GALNT10: variants seen among roughly 807,000 people sequenced by gnomAD.
The protein encoded by GALNT10 is polypeptide N-acetylgalactosaminyltransferase 10.
Under a neutral mutation model 75.0 loss-of-function variants are expected in GALNT10, and 41 were observed. The observed-to-expected ratio is 0.55, with a 90% CI of 0.43 to 0.71. The LOEUF (loss-of-function observed/expected upper bound fraction) is 0.71. Ranked by LOEUF, GALNT10 falls within the 30% of genes least tolerant of loss-of-function variation. GALNT10 has a pLI of 0.00. For synonymous variants in GALNT10, 302 were observed against 313.0 expected (o/e 0.96, Z 0.37); for missense variants, 727 against 818.5 (o/e 0.89, Z 1.36).
chr5:154,368,462 A>G, intron 4 of GALNT10, among the ~76,000 whole-genome samples: 1 of 152,172 alleles, frequency 6.6e-6, no homozygotes, highest in Non-Finnish European at 1.5e-5. Context: ...CAAAAAGAAG[A>G]GGAGGAGGAA....
intron 3 of GALNT10, among the ~76,000 whole-genome samples, chr5:154,314,620 A>G (rs925164263): frequency 1.3e-5 from 2 of 151,846 alleles, no homozygotes; most frequent in African/African-American, 2.4e-5. Context: ...GCGTCTGCCT[A>G]TCTGCCTCCC....
At chr5:154,293,613 A>ATATTTTTTTTTTTTTT in intron 1 of GALNT10, among the ~76,000 whole-genome samples, 2 of 109,360 alleles carry the variant, frequency 1.8e-5, no homozygotes, top group Non-Finnish European at 3.8e-5. Flanking sequence ...ATATATATAT[A>ATATTTTTTTTTTTTTT]TTTTTTTTTT....
chr5:154,350,666 A>G (rs892848140), intron 4 of GALNT10, among the ~76,000 whole-genome samples: 6 of 152,002 alleles, frequency 3.9e-5, no homozygotes. Flanking sequence ...GTGGCGTAAA[A>G]ACTCCCACCT....
intron 1 of GALNT10, among the ~76,000 whole-genome samples, chr5:154,235,311 AC>A (rs1753228370): frequency 6.6e-6 from 1 of 152,194 alleles, no homozygotes; most frequent in Admixed American, 6.5e-5. Flanking sequence ...CCAATGGGGT[AC>A]CAGCCACAGC....
intron 1 of GALNT10, among the ~76,000 whole-genome samples, chr5:154,276,433 T>G (rs951802764): frequency 1.6e-4 from 25 of 152,210 alleles, no homozygotes; most frequent in South Asian, 6.2e-4. Context: ...TGGAGAAAGC[T>G]CTCAGCTTTT....
chr5:154,210,676 C>CATCAAATA (rs1445885692), intron 1 of GALNT10, among the ~76,000 whole-genome samples: 1 of 152,162 alleles, frequency 6.6e-6, no homozygotes, highest in Non-Finnish European at 1.5e-5. Context: ...TACGCAGTGC[C>CATCAAATA]TGGCATGTGA....
intron 1 of GALNT10, among the ~76,000 whole-genome samples, chr5:154,196,827 G>A (rs1177682398): frequency 1.3e-5 from 2 of 152,170 alleles, no homozygotes; most frequent in Non-Finnish European, 2.9e-5. Context: ...AGTGGAGTCA[G>A]GTTACCCAGA....
chr5:154,202,974 G>C (rs1276391346), intron 1 of GALNT10, among the ~76,000 whole-genome samples: 1 of 152,250 alleles, frequency 6.6e-6, no homozygotes, highest in Non-Finnish European at 1.5e-5. Context: ...TGCCATCCAA[G>C]CCCTGCCAGG....
chr5:154,343,345 C>T (rs1215006704), intron 4 of GALNT10, among the ~76,000 whole-genome samples: 1 of 152,160 alleles, frequency 6.6e-6, no homozygotes, highest in Non-Finnish European at 1.5e-5. Flanking sequence ...GGGGAAAGCT[C>T]TCCTTCAAAG....
rs571377965 is a variant in GALNT10 at position 154,415,321 on chromosome 5, C to T, written c.1504-462C>T. Among the ~76,000 whole-genome samples, 7 of 151,176 alleles carry T rather than the reference C, an allele frequency of 4.6e-5. No homozygotes were observed. In the East Asian group the frequency reaches 1.4e-3, roughly 30 times the overall value. ...AGGGGTGGAAGTAGAGCTGCAACAA[C>T]GTTGGCCTTGAGTTGGTAACTTATT... On this transcript the variant is annotated intron_variant, in intron 10 of 11. Coordinates refer to ENST00000297107, the MANE Select transcript of GALNT10 (RefSeq NM_198321.4).
chr5:154,366,195 T>G (rs1389321993), intron 4 of GALNT10, among the ~76,000 whole-genome samples: 1 of 152,258 alleles, frequency 6.6e-6, no homozygotes, highest in Non-Finnish European at 1.5e-5. Context: ...CTTCTCTGTC[T>G]TCTTGTAGTC....
intron 1 of GALNT10, among the ~76,000 whole-genome samples, chr5:154,277,635 C>T (rs1297129749): frequency 1.3e-5 from 2 of 152,160 alleles, no homozygotes; most frequent in Non-Finnish European, 2.9e-5. Context: ...TTGGAGAAAT[C>T]TGCATGTAAT....
intron 1 of GALNT10, among the ~76,000 whole-genome samples, chr5:154,200,617 T>G (rs1410521112): frequency 6.6e-6 from 1 of 152,214 alleles, no homozygotes; most frequent in Admixed American, 6.5e-5. Context: ...TTTCTAAATT[T>G]GGTACCTAAC....
At position 154,205,288 on chromosome 5, in the gene GALNT10, G is replaced by T. The variant is rs114965747; in HGVS notation, c.159+14263G>T. Among the ~76,000 whole-genome samples, 653 of 152,302 alleles carry T rather than the reference G, an allele frequency of 4.3e-3. 4 individuals carry two copies. Among genetic ancestry groups the T allele is most frequent in the African/African-American group, 0.015 (634 of 41,566 alleles). On this transcript the variant is annotated intron_variant, in intron 1 of 11. Coordinates refer to ENST00000297107, the MANE Select transcript of GALNT10 (RefSeq NM_198321.4). The stretch of plus-strand genomic sequence containing the variant: ...GTCCTCAGTCCACGTGGCTTCATTG[G>T]TGGTATCTCTGGATGAGGATCCATT...
intron 4 of GALNT10, among the ~76,000 whole-genome samples, chr5:154,333,488 C>T (rs1484805025): frequency 1.3e-5 from 2 of 152,148 alleles, no homozygotes; most frequent in East Asian, 3.8e-4. Flanking sequence ...TAGTCCTGAC[C>T]TATAATGGTT....
rs775796875 is a variant in GALNT10 at position 154,409,538 on chromosome 5, T to C, written c.1165-3T>C. The C allele has an allele frequency of 1.0e-5, 16 of 1,606,224 alleles. No individual in the cohort carries two copies. In the East Asian group the frequency reaches 2.9e-4, roughly 29 times the overall value. ...GACCCCTCCATTGCTTCTTGCCCCA[T>C]AGAACCTTAAGCGGGTGGCCGAAGT... is the stretch of plus-strand genomic sequence containing the variant. On this transcript the variant is annotated splice_region_variant and splice_polypyrimidine_tract_variant and intron_variant, in intron 8 of 11. Transcript: ENST00000297107. This position sits in a 1 kb window ranked among gnomAD's most constrained non-coding sequence, Gnocchi z 4.5.
intron 4 of GALNT10, among the ~76,000 whole-genome samples, chr5:154,341,882 A>G (rs1022527097): frequency 6.6e-6 from 1 of 152,152 alleles, no homozygotes; most frequent in Admixed American, 6.5e-5. Flanking sequence ...CTAAGTCCAG[A>G]TGTGCCTCAG....
intron 1 of GALNT10, among the ~76,000 whole-genome samples, chr5:154,232,427 G>A (rs1335225775): frequency 1.3e-5 from 2 of 152,204 alleles, no homozygotes; most frequent in African/African-American, 4.8e-5. Flanking sequence ...ATCTTTCTGT[G>A]TAGTGGTGAG....
intron 1 of GALNT10, among the ~76,000 whole-genome samples, chr5:154,205,159 C>G (rs1370391062): frequency 2.0e-5 from 3 of 152,204 alleles, no homozygotes; most frequent in Non-Finnish European, 2.9e-5. Context: ...GACAGACTTC[C>G]TTCTCCCCTG....
Sources: gnomAD v4.1 joint callset for allele counts (sites outside exome capture counted in the v4.1 genomes callset) on GRCh38, gnomAD v4.1.1 for gene constraint, Gnocchi (gnomAD v3.1) non-coding constraint, MANE v1.5 for transcripts, NCBI Gene and HGNC (gene_info 2026-07-23, HGNC 2026-07-21) for gene names.